The following MAF variants were observed in gnomAD, a reference collection of about 807,000 sequenced individuals.
MAF encodes the protein MAF bZIP transcription factor.
MAF carries 10 observed loss-of-function variants against 22.0 expected under a neutral mutation model. The observed-to-expected ratio is 0.45, with a 90% CI of 0.28 to 0.77. The LOEUF is 0.77. Ranked by LOEUF, MAF falls within the 30% of genes least tolerant of loss-of-function variation. The probability of loss-of-function intolerance (pLI) is 0.12; values close to 1 mark genes in which losing one functional copy is unlikely to be tolerated. For missense variants in MAF, 544 were observed against 548.4 expected (o/e 0.99, Z 0.08); for synonymous variants, 337 against 255.8 (o/e 1.32, Z -3.03).
In MAF at chr16:79,599,258, G is replaced by A. The variant is rs1567567317; in HGVS notation, c.645C>T (p.Gly215=). The A allele has an allele frequency of 5.1e-6, 5 of 978,386 alleles. No individual in the cohort carries two copies. Among genetic ancestry groups the A allele is most frequent in the South Asian group, 4.7e-5 (1 of 21,256 alleles). 60.6% of individuals were successfully genotyped at this position (978,386 alleles called of 1,614,324 possible). A position where few individuals can be genotyped will look rare whatever the true frequency, so the allele number is the denominator to read the frequency against. The change falls in exon 1 of 2, where the codon GGC becomes GGT. Residue 215 remains glycine, a synonymous_variant. Coordinates refer to ENST00000326043, the MANE Select transcript of MAF (RefSeq NM_005360.5). Reference sequence around the variant, plus strand: ...CGCTGGCCGGGCCACCGCCGCCCGCGCCCCCAGCGCCACCGGCCGAGGCGG... The same window carrying A: ...CGCTGGCCGGGCCACCGCCGCCCGCACCCCCAGCGCCACCGGCCGAGGCGG... ...SAAASAGGAG[G]AGGGGPASAG...
the MAF span, among the ~76,000 whole-genome samples, chr16:79,299,161 T>C: frequency 6.6e-6 from 1 of 152,080 alleles, no homozygotes; most frequent in Non-Finnish European, 1.5e-5. Flanking sequence ...CTGTTTAGAC[T>C]GGATGCTGGT....
chr16:79,593,947 C>T lies in MAF; in HGVS notation c.*513G>A, dbSNP rs527462306. ...TAAATGCAACACCGTCTAGGGCCTA[C>T]GAGAAAACCAGGGGGCTCGGCTCCG... On this transcript the variant is annotated 3_prime_UTR_variant, in exon 2 of 2. Transcript: ENST00000326043. The T allele has an allele frequency of 2.2e-4, 46 of 209,610 alleles. No homozygotes were observed. The highest frequency in any genetic ancestry group is 8.5e-4 in the African/African-American group (37 of 43,706). 13.0% of individuals were successfully genotyped at this position (209,610 alleles called of 1,614,324 possible). A position where few individuals can be genotyped will look rare whatever the true frequency, so the allele number is the denominator to read the frequency against.
chr16:79,546,158 C>G, the MAF span, among the ~76,000 whole-genome samples: 1 of 152,068 alleles, frequency 6.6e-6, no homozygotes, highest in Non-Finnish European at 1.5e-5. Context: ...AACTTTAAAA[C>G]TTGATTTTAT....
chr16:79,501,815 T>A, the MAF span, among the ~76,000 whole-genome samples: 1 of 152,292 alleles, frequency 6.6e-6, no homozygotes, highest in South Asian at 2.1e-4. Flanking sequence ...AAAAGAAAAC[T>A]TCCATTATAT....
chr16:79,438,901 AG>A, the MAF span, among the ~76,000 whole-genome samples: 2 of 152,200 alleles, frequency 1.3e-5, no homozygotes, highest in Non-Finnish European at 2.9e-5. Context: ...GGGACCGTCC[AG>A]GGAGGTAGGT....
chr16:79,284,573 T>A, the MAF span, among the ~76,000 whole-genome samples: 1 of 152,206 alleles, frequency 6.6e-6, no homozygotes, highest in African/African-American at 2.4e-5. Context: ...TTTTCTCACA[T>A]TTTGACCATC....
the MAF span, among the ~76,000 whole-genome samples, chr16:79,536,510 T>C: frequency 6.6e-6 from 1 of 152,132 alleles, no homozygotes; most frequent in East Asian, 1.9e-4. Flanking sequence ...GGCATGGTGG[T>C]GCACACCTGT....
chr16:79,517,461 CA>C, the MAF span, among the ~76,000 whole-genome samples: 1 of 152,016 alleles, frequency 6.6e-6, no homozygotes, highest in Non-Finnish European at 1.5e-5. Flanking sequence ...ATAATTTAAA[CA>C]ACAAATAAAG....
chr16:79,219,205 G>A, the MAF span, among the ~76,000 whole-genome samples: 2 of 152,036 alleles, frequency 1.3e-5, no homozygotes, highest in Non-Finnish European at 2.9e-5. Flanking sequence ...GTCTTCTTCC[G>A]GCTTTCCTGA....
At chr16:79,562,259 A>G in the MAF span, among the ~76,000 whole-genome samples, 1 of 152,162 alleles carries the variant, frequency 6.6e-6, no homozygotes, top group South Asian at 2.1e-4. Context: ...TGTAAAGCTC[A>G]TCTACACCAA....
At chr16:79,408,347 T>C in the MAF span, among the ~76,000 whole-genome samples, 1 of 151,998 alleles carries the variant, frequency 6.6e-6, no homozygotes, top group Non-Finnish European at 1.5e-5. Flanking sequence ...CAGCTAATTT[T>C]GAATTTTTAG....
chr16:79,420,576 C>A, the MAF span, among the ~76,000 whole-genome samples: 1 of 152,176 alleles, frequency 6.6e-6, no homozygotes, highest in Non-Finnish European at 1.5e-5. Flanking sequence ...AACAACCTCC[C>A]GCACCAGAGT....
chr16:79,318,063 C>T, the MAF span, among the ~76,000 whole-genome samples: 1 of 152,184 alleles, frequency 6.6e-6, no homozygotes, highest in Admixed American at 6.5e-5. Context: ...TATGCTCTGT[C>T]GTTCATTCAT....
the MAF span, among the ~76,000 whole-genome samples, chr16:79,564,465 G>C: frequency 6.6e-6 from 1 of 152,206 alleles, no homozygotes; most frequent in African/African-American, 2.4e-5. Flanking sequence ...GGGCACACTG[G>C]TTTACTTAGA....
At chr16:79,472,498 T>C in the MAF span, among the ~76,000 whole-genome samples, 2 of 152,218 alleles carry the variant, frequency 1.3e-5, no homozygotes, top group African/African-American at 4.8e-5. Flanking sequence ...AAAGATATAC[T>C]AAGTGAAAGA....
chr16:79,226,501 A>G, the MAF span, among the ~76,000 whole-genome samples: 13 of 152,102 alleles, frequency 8.5e-5, no homozygotes, highest in Admixed American at 8.5e-4. Flanking sequence ...TGTTCTGCAC[A>G]TGTACCCCAG....
At chr16:79,413,641 A>G in the MAF span, among the ~76,000 whole-genome samples, 1 of 152,170 alleles carries the variant, frequency 6.6e-6, no homozygotes, top group Non-Finnish European at 1.5e-5. Context: ...TAAGCATTAG[A>G]TAAAATAACA....
At chr16:79,418,062 T>C in the MAF span, among the ~76,000 whole-genome samples, 2 of 152,216 alleles carry the variant, frequency 1.3e-5, no homozygotes, top group African/African-American at 4.8e-5. Context: ...AAGAAAATCC[T>C]TGACCCTTTT....
chr16:79,228,451 G>A, the MAF span, among the ~76,000 whole-genome samples: 12 of 152,096 alleles, frequency 7.9e-5, no homozygotes, highest in African/African-American at 2.9e-4. Context: ...TTTAATCCCA[G>A]GACAGGAAAT....
Sources: gnomAD v4.1 joint callset for allele counts (sites outside exome capture counted in the v4.1 genomes callset) on GRCh38, gnomAD v4.1.1 for gene constraint, MANE v1.5 for transcripts, NCBI Gene and HGNC (gene_info 2026-07-23, HGNC 2026-07-21) for gene names.